The following CHD9 variants were observed in gnomAD, a reference collection of about 807,000 sequenced individuals.
CHD9 encodes the protein chromodomain helicase DNA binding protein 9, also known as ATP-dependent chromatin remodeler CHD9.
Under a neutral mutation model 316.1 loss-of-function variants are expected in CHD9, and 77 were observed. That is an observed-to-expected ratio of 0.24 (90% CI 0.20 to 0.29). CHD9 has a LOEUF of 0.29. CHD9 is among the 10% of genes least tolerant of loss of function. The pLI is 1.00. For synonymous variants in CHD9, 1,129 were observed against 1,158.3 expected (o/e 0.97, Z 0.51); for missense variants, 2,763 against 3,438.1 (o/e 0.80, Z 4.91).
At chr16:53,249,699 C>T (rs1165499140) in intron 16 of CHD9, among the ~76,000 whole-genome samples, 172 bp from the exon 17 acceptor site, 1 of 152,088 alleles carries the variant, frequency 6.6e-6, no homozygotes, top group Non-Finnish European at 1.5e-5. Context: ...TTTGTTTTCT[C>T]CTTAACACCA....
At chr16:53,055,500 C>G (rs535079836) in intron 1 of CHD9, among the ~76,000 whole-genome samples, 2 of 151,770 alleles carry the variant, frequency 1.3e-5, no homozygotes, top group East Asian at 1.9e-4. Context: ...CCCCGCCCCC[C>G]CCCAGAGACT....
At chr16:53,285,893 T>C (rs560210996) in intron 25 of CHD9, among the ~76,000 whole-genome samples, 194 bp downstream of exon 25, 17 of 152,352 alleles carry the variant, frequency 1.1e-4, no homozygotes, top group African/African-American at 4.1e-4. Flanking sequence ...ATGTGTAACC[T>C]ACCCTTCCTG....
chr16:53,223,595 C>T (rs2047414740), intron 4 of CHD9: 1 of 152,512 alleles, frequency 6.6e-6, no homozygotes, highest in Non-Finnish European at 1.5e-5. Flanking sequence ...TTATATTTAA[C>T]TTATTCCATA....
At chr16:53,218,048 G>A (rs969977163) in intron 3 of CHD9, among the ~76,000 whole-genome samples, 1 of 151,190 alleles carries the variant, frequency 6.6e-6, no homozygotes, top group Non-Finnish European at 1.5e-5. Flanking sequence ...AGTCAAAAAT[G>A]ATTTCAGAAT....
intron 2 of CHD9, among the ~76,000 whole-genome samples, chr16:53,186,663 G>A (rs9673875): frequency 0.28 from 42,329 of 152,024 alleles, 5,983 homozygotes; most frequent in Middle Eastern, 0.32. Flanking sequence ...TGTAGTTCCC[G>A]TAATCCTTAT....
At chr16:53,216,329 G>T (rs1264684296) in intron 3 of CHD9, among the ~76,000 whole-genome samples, 7 of 151,996 alleles carry the variant, frequency 4.6e-5, no homozygotes, top group African/African-American at 1.7e-4. Context: ...GCTATCTGTT[G>T]TCATTGTATA....
At chr16:53,111,714 C>T (rs1271371441) in intron 1 of CHD9, among the ~76,000 whole-genome samples, 1 of 152,062 alleles carries the variant, frequency 6.6e-6, no homozygotes, top group East Asian at 1.9e-4. Context: ...GTTCTTATTT[C>T]TGATATTATA....
At chr16:53,141,163 G>C (rs147110300) in intron 1 of CHD9, among the ~76,000 whole-genome samples, 1 of 152,170 alleles carries the variant, frequency 6.6e-6, no homozygotes, top group Non-Finnish European at 1.5e-5. Context: ...AGTGCTTTAT[G>C]TGTATTATTT....
intron 29 of CHD9, among the ~76,000 whole-genome samples, chr16:53,293,642 T>A (rs2054540347): frequency 6.7e-6 from 1 of 149,330 alleles, no homozygotes; most frequent in African/African-American, 2.5e-5. Context: ...AGTGAAGGCA[T>A]AGAGCAAACT....
intron 1 of CHD9, among the ~76,000 whole-genome samples, chr16:53,115,576 TC>T (rs1441074795): frequency 6.6e-6 from 1 of 152,228 alleles, no homozygotes; most frequent in Non-Finnish European, 1.5e-5. Flanking sequence ...GCTTCCAGTG[TC>T]CTGTTCAAAA....
chr16:53,321,463 A>G, intron 37 of CHD9, 63 bp from the exon 38 acceptor site: 1 of 1,459,862 alleles, frequency 6.8e-7, no homozygotes, highest in South Asian at 1.5e-5. Flanking sequence ...AGCATACAAT[A>G]AAAGCAATCA....
chr16:53,192,410 A>G (rs897491082), intron 2 of CHD9, among the ~76,000 whole-genome samples: 1 of 152,236 alleles, frequency 6.6e-6, no homozygotes, highest in Non-Finnish European at 1.5e-5. Flanking sequence ...ATATTAACCT[A>G]GATTTAGAAG....
At chr16:53,216,113 T>A (rs978507594) in intron 3 of CHD9, among the ~76,000 whole-genome samples, 8 of 152,200 alleles carry the variant, frequency 5.3e-5, no homozygotes, top group Non-Finnish European at 8.8e-5. Flanking sequence ...TTGCTTTCTT[T>A]GGGGATATTT....
At chr16:53,130,018 A>T (rs996517107) in intron 1 of CHD9, among the ~76,000 whole-genome samples, 1 of 151,948 alleles carries the variant, frequency 6.6e-6, no homozygotes, top group African/African-American at 2.4e-5. Flanking sequence ...ACCCTCCCCC[A>T]CGGCTGTCTC....
intron 36 of CHD9, among the ~76,000 whole-genome samples, chr16:53,315,660 A>G (rs1165530479): frequency 1.3e-5 from 2 of 152,082 alleles, no homozygotes; most frequent in Middle Eastern, 6.8e-3. Context: ...TGTATTTTTC[A>G]TAGAAACAGG....
At chr16:53,210,639 G>A (rs2046256702) in intron 3 of CHD9, among the ~76,000 whole-genome samples, 2 of 152,076 alleles carry the variant, frequency 1.3e-5, no homozygotes, top group South Asian at 4.1e-4. Context: ...GTGGAAATTT[G>A]ACATAAAGGG....
chr16:53,084,077 G>C (rs142077926), intron 1 of CHD9, among the ~76,000 whole-genome samples: 2,020 of 152,048 alleles, frequency 0.013, 50 homozygotes, highest in African/African-American at 0.047. Context: ...TTTTTTTGTA[G>C]AGGTGAGGTC....
chr16:53,264,108 T>C (rs1263284093), intron 20 of CHD9, among the ~76,000 whole-genome samples: 1 of 152,102 alleles, frequency 6.6e-6, no homozygotes, highest in East Asian at 1.9e-4. Context: ...AAAGTGAAAT[T>C]TGGTTGGGAG....
At chr16:53,274,129 T>C (rs1337517639) in intron 23 of CHD9, 84 bp from the exon 24 acceptor site, 1 of 818,496 alleles carries the variant, frequency 1.2e-6, no homozygotes, top group Non-Finnish European at 2.1e-6. Flanking sequence ...TGTACACAAA[T>C]TCCTTCCTAA....
Sources: allele counts gnomAD v4.1 joint callset (sites outside exome capture counted in the v4.1 genomes callset), GRCh38; gene constraint gnomAD v4.1.1; transcripts MANE v1.5; gene names NCBI Gene and HGNC (gene_info 2026-07-23, HGNC 2026-07-21).